The following RCN2 variants were observed in gnomAD, a reference collection of about 807,000 sequenced individuals.
RCN2 encodes reticulocalbin 2.
RCN2 carries 23 observed loss-of-function variants against 37.5 expected under a neutral mutation model. The ratio of observed to expected loss-of-function variants is 0.61; its 90% CI spans 0.44 to 0.87. RCN2 has a LOEUF of 0.87. Among genes scored for constraint, RCN2 ranks in the 40% least tolerant of loss-of-function variants. The pLI is 0.00. For synonymous variants in RCN2, 140 were observed against 144.6 expected, an observed-to-expected ratio of 0.97 and a Z score of 0.23; for missense variants, 381 against 390.4, an observed-to-expected ratio of 0.98 and a Z score of 0.20.
At chr15:76,936,365 A>G (rs1012160005) in intron 3 of RCN2, among the ~76,000 whole-genome samples, 1 of 150,908 alleles carries the variant, frequency 6.6e-6, no homozygotes, top group Non-Finnish European at 1.5e-5. Context: ...ATGGAAGACA[A>G]TTTTTCCACG....
chr15:76,946,676 C>T (rs889810179), intron 4 of RCN2, among the ~76,000 whole-genome samples: 7 of 152,008 alleles, frequency 4.6e-5, no homozygotes, highest in East Asian at 1.9e-4. Context: ...TGCTTGAACC[C>T]GGGAAGCAGA....
At chr15:76,936,537 G>A (rs547826227) in intron 3 of RCN2, among the ~76,000 whole-genome samples, 37 of 152,262 alleles carry the variant, frequency 2.4e-4, no homozygotes, top group Admixed American at 9.2e-4. Context: ...TGCCACCCCT[G>A]ATCTGATAGG....
chr15:76,948,727 A>C, intron 6 of RCN2, 175 bp downstream of exon 6: 1 of 587,108 alleles, frequency 1.7e-6, no homozygotes, highest in Non-Finnish European at 2.8e-6. Flanking sequence ...GGAGACGAGG[A>C]AGTTAAGATT....
chr15:76,935,489 A>T, intron 2 of RCN2, 37 bp from the exon 3 acceptor site: 1 of 1,506,522 alleles, frequency 6.6e-7, no homozygotes, highest in Non-Finnish European at 9.1e-7. Flanking sequence ...TATCAGAATT[A>T]ACGTCACATG....
rs898966977 is a variant in RCN2 at position 76,953,876 on chromosome 15, G to C, written c.*4654G>C. ...CCCGCCTTGGCCTCCCAAAGTGCTG[G>C]GATTACAGGCGTGAGCCACCGCGCC... On this transcript the variant is annotated 3_prime_UTR_variant, in exon 7 of 7. Coordinates refer to ENST00000394885, the MANE Select transcript of RCN2 (RefSeq NM_002902.3). 1.3e-5 allele frequency: 2 copies of C among 150,400 alleles called. No homozygotes were observed. The highest frequency in any genetic ancestry group is 4.9e-5 in the African/African-American group (2 of 40,942). The allele number at this position is 150,400 out of a possible 1,614,324, so 9.3% of individuals were successfully genotyped here. A position where few individuals can be genotyped will look rare whatever the true frequency, so the allele number is the denominator to read the frequency against.
chr15:76,948,868 C>T (rs2075307273), intron 6 of RCN2: 1 of 586,120 alleles, frequency 1.7e-6, no homozygotes, highest in Non-Finnish European at 2.9e-6. Flanking sequence ...TGGAGAGAGA[C>T]AGAACCCAGC....
rs2075312248 is a variant in RCN2 at position 76,949,909 on chromosome 15, TTTG to T, written c.*690_*692del. 8.0e-6 allele frequency: 1 copy of T among 124,972 alleles called. No individual in the cohort carries two copies. The highest frequency in any genetic ancestry group is 1.7e-5 in the Non-Finnish European group (1 of 59,176). 7.7% of individuals were successfully genotyped at this position (124,972 alleles called of 1,614,324 possible). A position where few individuals can be genotyped will look rare whatever the true frequency, so the allele number is the denominator to read the frequency against. On this transcript the variant is annotated 3_prime_UTR_variant, in exon 7 of 7. Transcript: ENST00000394885. ...AAAAATGAAATGTCCTTTGTATATG[TTTG>T]TTTGCTTTTCTTTAACTTTCAGATA... is the stretch of plus-strand genomic sequence containing the variant.
At chr15:76,936,389 C>T (rs1003373742) in intron 3 of RCN2, among the ~76,000 whole-genome samples, 37 of 144,892 alleles carry the variant, frequency 2.6e-4, no homozygotes, top group Admixed American at 1.9e-3. Flanking sequence ...CAGTGTGTGG[C>T]GGGGGGGTGG....
rs1472656264 is a variant in RCN2, at chr15:76,952,220, C to G, written c.*2998C>G. The G allele has an allele frequency of 6.6e-6, 1 of 152,090 alleles. No individual in the cohort carries two copies. Among genetic ancestry groups the G allele is most frequent in the Non-Finnish European group, 1.5e-5 (1 of 68,024 alleles). The allele number at this position is 152,090 out of a possible 1,614,324, so 9.4% of individuals were successfully genotyped here. A position where few individuals can be genotyped will look rare whatever the true frequency, so the allele number is the denominator to read the frequency against. On this transcript the variant is annotated 3_prime_UTR_variant, in exon 7 of 7. Coordinates refer to ENST00000394885, the MANE Select transcript of RCN2 (RefSeq NM_002902.3). Reference sequence around the variant, plus strand: ...AAACTGTTAACATATCATTGTCACCCAAAGTGCATAGTTTACATTAGGGTT... The same window carrying G: ...AAACTGTTAACATATCATTGTCACCGAAAGTGCATAGTTTACATTAGGGTT...
chr15:76,948,583 A>G, intron 6 of RCN2, 31 bp downstream of exon 6: 2 of 1,483,380 alleles, frequency 1.3e-6, no homozygotes, highest in African/African-American at 2.8e-5. Flanking sequence ...GTTTCTCTCC[A>G]CCCCCTCCCC....
chr15:76,943,969 A>G (rs1040013327), intron 4 of RCN2, 98 bp downstream of exon 4: 1 of 284,154 alleles, frequency 3.5e-6, no homozygotes, highest in Non-Finnish European at 6.9e-6. Flanking sequence ...ATATATGTTT[A>G]TGGGATACAT....
chr15:76,945,718 T>C (rs1391110610), intron 4 of RCN2, among the ~76,000 whole-genome samples: 2 of 152,246 alleles, frequency 1.3e-5, no homozygotes, highest in Non-Finnish European at 2.9e-5. Context: ...GATATATCTT[T>C]TTGTTTAATG....
Position 76,931,917 on chromosome 15 carries a change from G to C in RCN2, c.76G>C (p.Glu26Gln). 3 of 1,329,356 alleles carry C rather than the reference G, an allele frequency of 2.3e-6. No individual in the cohort carries two copies. Among genetic ancestry groups the C allele is most frequent in the Non-Finnish European group, 2.9e-6 (3 of 1,038,782 alleles). 82.3% of individuals were successfully genotyped at this position (1,329,356 alleles called of 1,614,324 possible). A position where few individuals can be genotyped will look rare whatever the true frequency, so the allele number is the denominator to read the frequency against. The change falls in exon 1 of 7, where the codon GAG becomes CAG. Residue 26 changes from glutamate to glutamine, a missense_variant. Transcript: ENST00000394885. Reference sequence around the variant, plus strand: ...CGCCGCGGCCGGCGCCGGCAAGGCCGAGGAGCTGCACTACCCGCTGGGCGA... The same window carrying C: ...CGCCGCGGCCGGCGCCGGCAAGGCCCAGGAGCTGCACTACCCGCTGGGCGA... ...CAAAAGAGKA[E>Q]ELHYPLGERR...
chr15:76,946,362 C>T (rs2075296758), intron 4 of RCN2, among the ~76,000 whole-genome samples: 1 of 151,932 alleles, frequency 6.6e-6, no homozygotes, highest in Non-Finnish European at 1.5e-5. Flanking sequence ...GTGAGAGGAT[C>T]ACTTGAGTCC....
At chr15:76,935,447 T>C in intron 2 of RCN2, 79 bp from the exon 3 acceptor site, 1 of 1,184,918 alleles carries the variant, frequency 8.4e-7, no homozygotes, top group South Asian at 1.3e-5. Flanking sequence ...TTTTGCCTTT[T>C]CAGAGAAGGT....
rs1778095645 is a variant in RCN2, at chr15:76,949,371, TTA to T, written c.*150_*151del. ...TAATGTAGATTATAATTTTGGTCTT[TTA>T]GGAAAAAAAAACAAAAATCTGATAT... is the stretch of plus-strand genomic sequence containing the variant. On this transcript the variant is annotated 3_prime_UTR_variant, in exon 7 of 7. Coordinates refer to ENST00000394885, the MANE Select transcript of RCN2 (RefSeq NM_002902.3). 5.2e-6 allele frequency: 3 copies of T among 577,908 alleles called. No individual in the cohort carries two copies. The highest frequency in any genetic ancestry group is 8.0e-6 in the Non-Finnish European group (3 of 376,542). The allele number at this position is 577,908 out of a possible 1,614,324, so 35.8% of individuals were successfully genotyped here.
chr15:76,935,484 G>C, intron 2 of RCN2, 42 bp from the exon 3 acceptor site: 1 of 1,489,196 alleles, frequency 6.7e-7, no homozygotes, highest in Non-Finnish European at 9.2e-7. Flanking sequence ...TTAAGTATCA[G>C]AATTAACGTC....
Position 76,943,775 on chromosome 15 carries a change from G to A in RCN2, c.465G>A (p.Lys155=), listed in dbSNP as rs768688268. The A allele has an allele frequency of 1.2e-6, 2 of 1,603,164 alleles. No homozygotes were observed. Among genetic ancestry groups the A allele is most frequent in the African/African-American group, 1.3e-5 (1 of 74,702 alleles). Residue 155 remains lysine, a synonymous_variant, in exon 4 of 7, where the codon AAG becomes AAA. Transcript: ENST00000394885. ...ESFRKLHLKD[K]KRFEKANQDS... ...TTTCAAAGCTTCACTTAAAGGACAA[G>A]AAGCGATTTGAAAAAGCTAACCAGG...
chr15:76,941,521 T>C (rs1471762612), intron 3 of RCN2: 3 of 456,536 alleles, frequency 6.6e-6, no homozygotes, highest in Non-Finnish European at 1.1e-5. Flanking sequence ...GTAGCTTTTT[T>C]ATTACTGTAC....
Sources: gnomAD v4.1 joint callset for allele counts (sites outside exome capture counted in the v4.1 genomes callset) on GRCh38, gnomAD v4.1.1 for gene constraint, MANE v1.5 for transcripts, NCBI Gene and HGNC (gene_info 2026-07-23, HGNC 2026-07-21) for gene names.